Variants in JMJD1C observed in about 807,000 individuals in gnomAD.
JMJD1C encodes jumonji domain containing 1C.
A neutral mutation model predicts 245.3 loss-of-function variants in JMJD1C; 31 were observed. The observed-to-expected ratio is 0.13, with a 90% CI of 0.09 to 0.17. JMJD1C has a LOEUF of 0.17. Among genes scored for constraint, JMJD1C ranks in the 10% least tolerant of loss-of-function variants. JMJD1C has a pLI of 1.00. For synonymous variants in JMJD1C, 1,057 were observed against 1,017.4 expected (o/e 1.04, Z -0.74); for missense variants, 2,691 against 3,000.2 (o/e 0.90, Z 2.41).
intron 2 of JMJD1C, among the ~76,000 whole-genome samples, chr10:63,267,407 TAAA>T (rs1296010013): frequency 6.6e-6 from 1 of 152,032 alleles, no homozygotes; most frequent in African/African-American, 2.4e-5. Flanking sequence ...TTAAAAATAA[TAAA>T]AAACATATTT....
At chr10:63,419,833 A>AT (rs1491270577) in intron 1 of JMJD1C, among the ~76,000 whole-genome samples, 213 of 88,622 alleles carry the variant, frequency 2.4e-3, no homozygotes, top group South Asian at 9.1e-3. Context: ...CCTCCATGAA[A>AT]TAAAAAAAAA....
chr10:63,302,186 T>G (rs1860173351), intron 2 of JMJD1C, among the ~76,000 whole-genome samples: 1 of 152,136 alleles, frequency 6.6e-6, no homozygotes, highest in Non-Finnish European at 1.5e-5. Context: ...CTCAGTTTAT[T>G]TAACAGATAG....
At chr10:63,456,868 T>C (rs772982018) in intron 1 of JMJD1C, among the ~76,000 whole-genome samples, 1 of 152,122 alleles carries the variant, frequency 6.6e-6, no homozygotes, top group Non-Finnish European at 1.5e-5. Context: ...TAAAGAGAAT[T>C]AGATGAACAG....
intron 1 of JMJD1C, among the ~76,000 whole-genome samples, chr10:63,472,771 A>G (rs1953532823): frequency 6.6e-6 from 1 of 152,188 alleles, no homozygotes; most frequent in Admixed American, 6.6e-5. Flanking sequence ...TAGGAATTTT[A>G]TAATTCAATT....
intron 2 of JMJD1C, among the ~76,000 whole-genome samples, chr10:63,290,819 G>A (rs568651513): frequency 3.3e-5 from 5 of 152,144 alleles, no homozygotes; most frequent in African/African-American, 1.2e-4. Context: ...ACTGGCTGTA[G>A]AAATTTAAAT....
intron 1 of JMJD1C, among the ~76,000 whole-genome samples, chr10:63,456,673 T>C (rs549821500): frequency 3.5e-4 from 54 of 152,288 alleles, no homozygotes; most frequent in African/African-American, 1.2e-3. Flanking sequence ...CTAGGAATGC[T>C]GACTATTCCT....
intron 10 of JMJD1C, chr10:63,205,022 G>A (rs2133123736): frequency 1.0e-6 from 1 of 985,216 alleles, no homozygotes; most frequent in Non-Finnish European, 1.2e-6. Flanking sequence ...TTTCTGCATT[G>A]TGCAACATAC....
Position 63,197,448 on chromosome 10 carries a change from T to G in JMJD1C, c.5607A>C (p.Leu1869Phe). 6.2e-7 allele frequency: 1 copy of G among 1,613,626 alleles called. No individual in the cohort carries two copies. Among genetic ancestry groups the G allele is most frequent in the Non-Finnish European group, 8.5e-7 (1 of 1,179,842 alleles). ...VCQKCGFVVC[L>F]DCYKAKERKS... is the part of the protein sequence containing the mutation. ...TCCTTTCCTTTGCCTTGTAACAATC[T>G]AAGCAGACCACAAATCCACATTTTT... Residue 1869 changes from leucine to phenylalanine, a missense_variant, in exon 13 of 26, where the codon TTA (leucine) becomes TTC (phenylalanine). Coordinates refer to ENST00000399262, the MANE Select transcript of JMJD1C (RefSeq NM_032776.3).
At chr10:63,394,698 G>A (rs1325408485) in intron 1 of JMJD1C, among the ~76,000 whole-genome samples, 1 of 152,136 alleles carries the variant, frequency 6.6e-6, no homozygotes, top group African/African-American at 2.4e-5. Context: ...TACAAAATCA[G>A]TCAGGCTTGG....
At chr10:63,245,282 G>A (rs1409938005) in intron 3 of JMJD1C, among the ~76,000 whole-genome samples, 1 of 151,960 alleles carries the variant, frequency 6.6e-6, no homozygotes, top group Non-Finnish European at 1.5e-5. Context: ...ATTAGAGGCT[G>A]TATTATTAGT....
chr10:63,277,398 C>T (rs937265802), intron 2 of JMJD1C, among the ~76,000 whole-genome samples: 4 of 151,946 alleles, frequency 2.6e-5, no homozygotes, highest in African/African-American at 7.3e-5. Context: ...GTTATGCAGA[C>T]TAAAGTCTCT....
chr10:63,305,629 C>CGTGTGT (rs36038855), intron 2 of JMJD1C, among the ~76,000 whole-genome samples: 8,668 of 121,648 alleles, frequency 0.071, 533 homozygotes, highest in Non-Finnish European at 0.09. Context: ...ACCATGCTGG[C>CGTGTGT]GTGTGTGTGT....
intron 1 of JMJD1C, among the ~76,000 whole-genome samples, chr10:63,483,854 A>C (rs1171350857): frequency 6.6e-6 from 1 of 152,222 alleles, no homozygotes; most frequent in African/African-American, 2.4e-5. Flanking sequence ...TAAAAATTTT[A>C]ATATCTTAAA....
intron 3 of JMJD1C, among the ~76,000 whole-genome samples, chr10:63,227,785 A>C (rs1849484849): frequency 6.6e-6 from 1 of 152,210 alleles, no homozygotes; most frequent in African/African-American, 2.4e-5. Flanking sequence ...TTGCCATACC[A>C]GTTTCGCCAG....
At position 63,182,028 on chromosome 10, in the gene JMJD1C, A is replaced by T. The variant is rs1486233734; in HGVS notation, c.7084+1419T>A. On this transcript the variant is annotated intron_variant, in intron 22 of 25. Transcript: ENST00000399262. Reference sequence around the variant, plus strand: ...GTAAAAATGAGTTTCTACAGTTTTGAGGGATTTTAGGTTGTGTATTATAAA... The same window carrying T: ...GTAAAAATGAGTTTCTACAGTTTTGTGGGATTTTAGGTTGTGTATTATAAA... Among the ~76,000 whole-genome samples the T allele has an allele frequency of 2.0e-5, 3 of 152,232 alleles. No homozygotes were observed. In the East Asian group the frequency reaches 5.8e-4, roughly 29 times the overall value.
chr10:63,207,199 A>G lies in JMJD1C; in HGVS notation c.4470T>C (p.Ala1490=). Residue 1490 remains alanine (A), a synonymous_variant, in exon 10 of 26, where the codon GCT becomes GCC. Coordinates refer to ENST00000399262, the MANE Select transcript of JMJD1C (RefSeq NM_032776.3). ...IHLKKHKAAL[A]AAQYKSSNAS... ...CATTACTACTTTTATACTGAGCTGC[A>G]GCCAATGCTGCCTTGTGCTTTTTTA... The G allele has an allele frequency of 6.2e-7, 1 of 1,614,228 alleles. No individual in the cohort carries two copies.
intron 2 of JMJD1C, among the ~76,000 whole-genome samples, chr10:63,368,756 A>C (rs1163127569): frequency 6.6e-6 from 1 of 151,986 alleles, no homozygotes; most frequent in East Asian, 1.9e-4. Context: ...TCATGATCTC[A>C]GCTCACTGCA....
intron 2 of JMJD1C, among the ~76,000 whole-genome samples, chr10:63,288,889 C>CAATAATAATAAT (rs61651313): frequency 4.3e-5 from 6 of 139,592 alleles, no homozygotes; most frequent in East Asian, 2.0e-4. Flanking sequence ...AATAATAATA[C>CAATAATAATAAT]AATAATAATA....
intron 2 of JMJD1C, among the ~76,000 whole-genome samples, chr10:63,284,120 G>A (rs1435818984): frequency 2.0e-5 from 3 of 151,934 alleles, no homozygotes; most frequent in Non-Finnish European, 4.4e-5. Flanking sequence ...CTGCCTCCTA[G>A]GTTCAAGCTA....
Sources: gnomAD v4.1 joint callset for allele counts (sites outside exome capture counted in the v4.1 genomes callset) on GRCh38, gnomAD v4.1.1 for gene constraint, MANE v1.5 for transcripts, NCBI Gene and HGNC (gene_info 2026-07-23, HGNC 2026-07-21) for gene names.